The following SPOCK3 variants were observed in gnomAD, a reference collection of about 807,000 sequenced individuals.
SPOCK3 encodes SPARC (osteonectin), cwcv and kazal like domains proteoglycan 3.
A neutral mutation model predicts 56.6 loss-of-function variants in SPOCK3; 30 were observed. The ratio of observed to expected loss-of-function variants is 0.53; its 90% confidence interval spans 0.40 to 0.72. The LOEUF is 0.72. Ranked by LOEUF, SPOCK3 falls within the 30% of genes least tolerant of loss-of-function variation. The pLI is 0.00. For synonymous variants in SPOCK3, 196 were observed against 183.3 expected (o/e 1.07, Z -0.56); for missense variants, 527 against 530.0 (o/e 0.99, Z 0.06).
At chr4:166,820,937 G>C (rs752842163) in intron 6 of SPOCK3, among the ~76,000 whole-genome samples, 1 of 151,938 alleles carries the variant, frequency 6.6e-6, no homozygotes, top group Non-Finnish European at 1.5e-5. Context: ...ATCGATAAAT[G>C]AAAAATTGAC....
chr4:166,795,296 A>G (rs1741815209), intron 6 of SPOCK3, among the ~76,000 whole-genome samples: 1 of 152,028 alleles, frequency 6.6e-6, no homozygotes, highest in Non-Finnish European at 1.5e-5. Flanking sequence ...TATATCAGTA[A>G]TATATCTACA....
chr4:166,869,287 T>C (rs1351543988), intron 6 of SPOCK3, among the ~76,000 whole-genome samples: 1 of 152,100 alleles, frequency 6.6e-6, no homozygotes, highest in Non-Finnish European at 1.5e-5. Flanking sequence ...AATTATATAG[T>C]CAAAAGTCTT....
At chr4:166,933,285 T>G (rs939393956) in intron 4 of SPOCK3, among the ~76,000 whole-genome samples, 1 of 152,176 alleles carries the variant, frequency 6.6e-6, no homozygotes, top group Non-Finnish European at 1.5e-5. Flanking sequence ...ATAATTAAAC[T>G]TTTAACGGCT....
intron 2 of SPOCK3, among the ~76,000 whole-genome samples, chr4:167,186,135 T>C (rs1051656424): frequency 1.3e-5 from 2 of 152,220 alleles, no homozygotes; most frequent in East Asian, 3.9e-4. Context: ...TGAATGTTTT[T>C]CAGAAAAACA....
chr4:167,090,084 T>C (rs992167327), intron 2 of SPOCK3, among the ~76,000 whole-genome samples: 6 of 152,192 alleles, frequency 3.9e-5, no homozygotes, highest in Non-Finnish European at 8.8e-5. Flanking sequence ...GTGCTATGCA[T>C]ATTTATAACA....
intron 3 of SPOCK3, among the ~76,000 whole-genome samples, chr4:167,060,429 A>G (rs1433115529): frequency 1.3e-5 from 2 of 152,112 alleles, no homozygotes; most frequent in Non-Finnish European, 2.9e-5. Flanking sequence ...CACTATTTAG[A>G]TGGAAATAGG....
At chr4:166,752,719 A>G (rs1338947468) in intron 8 of SPOCK3, among the ~76,000 whole-genome samples, 1 of 152,026 alleles carries the variant, frequency 6.6e-6, no homozygotes, top group East Asian at 1.9e-4. Flanking sequence ...TTTTAATAAA[A>G]TTACTTATTG....
intron 6 of SPOCK3, among the ~76,000 whole-genome samples, chr4:166,886,994 C>A (rs1734266457): frequency 6.6e-6 from 1 of 152,126 alleles, no homozygotes; most frequent in African/African-American, 2.4e-5. Context: ...AGTTTAAATT[C>A]TTCTTGCCTC....
intron 2 of SPOCK3, among the ~76,000 whole-genome samples, chr4:167,064,630 A>G (rs902317997): frequency 1.3e-5 from 2 of 151,910 alleles, no homozygotes; most frequent in East Asian, 3.9e-4. Context: ...CTCCTGAAGC[A>G]GAACAGAAAG....
chr4:166,773,657 C>G (rs1019771151), intron 7 of SPOCK3, among the ~76,000 whole-genome samples: 1 of 152,162 alleles, frequency 6.6e-6, no homozygotes, highest in African/African-American at 2.4e-5. Flanking sequence ...GTTCACTTCT[C>G]AGCTGATTTT....
intron 7 of SPOCK3, among the ~76,000 whole-genome samples, chr4:166,790,648 A>G (rs757985638): frequency 2.0e-5 from 3 of 152,214 alleles, no homozygotes; most frequent in Non-Finnish European, 4.4e-5. Flanking sequence ...ATTGACAGAA[A>G]AAGCTAGAAA....
intron 2 of SPOCK3, among the ~76,000 whole-genome samples, chr4:167,107,506 T>C (rs1414499435): frequency 1.3e-5 from 2 of 151,798 alleles, no homozygotes; most frequent in East Asian, 3.9e-4. Flanking sequence ...CTCAACATAA[T>C]AGAATCCATG....
rs36225376 is a variant in SPOCK3 at position 166,752,552 on chromosome 4, GTATA to G, written c.931+1952_931+1955del. Reference sequence around the variant, plus strand: ...CTATATATAGAGTAGCTATATGTGTGTATATATATATATATATATATACACACAC... The same window carrying G: ...CTATATATAGAGTAGCTATATGTGTGTATATATATATATATATACACACAC... On this transcript the variant is annotated intron_variant, in intron 8 of 10. Transcript: ENST00000357545. Among the ~76,000 whole-genome samples, 223 of 61,486 alleles carry G rather than the reference GTATA, an allele frequency of 3.6e-3. 3 individuals carry two copies. In the East Asian group the frequency reaches 0.039, roughly 11 times the overall value. 40.3% of individuals were successfully genotyped at this position (61,486 alleles called of 152,430 possible). A position where few individuals can be genotyped will look rare whatever the true frequency, so the allele number is the denominator to read the frequency against.
intron 4 of SPOCK3, among the ~76,000 whole-genome samples, chr4:166,948,893 T>G (rs1214207143): frequency 6.6e-6 from 1 of 152,136 alleles, no homozygotes; most frequent in Non-Finnish European, 1.5e-5. Flanking sequence ...TTGGCCTGCC[T>G]TGCTAGATTG....
At chr4:167,053,553 A>T (rs934549538) in intron 3 of SPOCK3, among the ~76,000 whole-genome samples, 3 of 151,690 alleles carry the variant, frequency 2.0e-5, no homozygotes, top group Non-Finnish European at 4.4e-5. Flanking sequence ...GGTGTGGTGG[A>T]GGGTACCTGT....
chr4:166,999,439 A>G (rs952658737), intron 4 of SPOCK3, among the ~76,000 whole-genome samples: 1 of 152,112 alleles, frequency 6.6e-6, no homozygotes, highest in Non-Finnish European at 1.5e-5. Context: ...TTCCAATGTT[A>G]TTATTCTTAT....
intron 7 of SPOCK3, among the ~76,000 whole-genome samples, chr4:166,767,948 C>T (rs535733785): frequency 5.9e-5 from 9 of 151,672 alleles, no homozygotes; most frequent in African/African-American, 2.2e-4. Flanking sequence ...ATGTAATGGC[C>T]TTCTTTTTGT....
At chr4:167,109,383 A>G (rs1366258875) in intron 2 of SPOCK3, among the ~76,000 whole-genome samples, 1 of 24,954 alleles carries the variant, frequency 4.0e-5, no homozygotes, top group Non-Finnish European at 8.8e-5. Context: ...TTTATATAAA[A>G]TATATAAATA....
At position 167,053,798 on chromosome 4, in the gene SPOCK3, C is replaced by T. The variant is rs191000290; in HGVS notation, c.235+8694G>A. The stretch of plus-strand genomic sequence containing the variant: ...GAGAGGCTCTGATTTAAGAAGAAAG[C>T]ACACAATGAAACCACTGAGAAAAGA... On this transcript the variant is annotated intron_variant, in intron 3 of 10. Transcript: ENST00000357545. 2.6e-5 allele frequency among the ~76,000 whole-genome samples: 4 copies of T among 152,108 alleles called. No individual in the cohort carries two copies. In the East Asian group the frequency reaches 7.7e-4, roughly 29 times the overall value.
Sources: allele counts gnomAD v4.1 joint callset (sites outside exome capture counted in the v4.1 genomes callset), GRCh38; gene constraint gnomAD v4.1.1; transcripts MANE v1.5; gene names NCBI Gene and HGNC (gene_info 2026-07-23, HGNC 2026-07-21).